GABRB2: variants seen among roughly 807,000 people sequenced by gnomAD.
GABRB2 encodes the protein gamma-aminobutyric acid type A receptor subunit beta2.
In GABRB2, 16 loss-of-function variants were observed where a neutral mutation model predicts 54.7. The observed-to-expected ratio is 0.29, with a 90% confidence interval of 0.20 to 0.44. The LOEUF is 0.44. GABRB2 is among the 20% of genes least tolerant of loss of function. The pLI, the probability that GABRB2 is intolerant of heterozygous loss-of-function variation, is 1.00. For missense variants in GABRB2, 355 were observed against 644.0 expected, an observed-to-expected ratio of 0.55 and a Z score of 4.86; for synonymous variants, 244 against 233.8, an observed-to-expected ratio of 1.04 and a Z score of -0.40.
intron 4 of GABRB2, among the ~76,000 whole-genome samples, chr5:161,448,680 A>C (rs1028568306): frequency 6.6e-6 from 1 of 152,148 alleles, no homozygotes; most frequent in Non-Finnish European, 1.5e-5. Flanking sequence ...AATAGAACAG[A>C]TTTTCAAAAT....
chr5:161,415,677 A>T (rs1484388296), intron 4 of GABRB2, among the ~76,000 whole-genome samples: 1 of 152,106 alleles, frequency 6.6e-6, no homozygotes, highest in African/African-American at 2.4e-5. Context: ...AAGTGATGCT[A>T]TCTCAGCTCA....
chr5:161,457,448 C>CT lies in GABRB2; in HGVS notation c.458+2175dup, dbSNP rs199690111. The stretch of plus-strand genomic sequence containing the variant: ...GATTTACCCCTTTTCCCTCTCAATT[C>CT]TTTTTTTTTTTTTTTGAGATGGAGT... On this transcript the variant is annotated intron_variant, in intron 4 of 9. Transcript: ENST00000393959. Among the ~76,000 whole-genome samples the CT allele has an allele frequency of 2.3e-3, 316 of 139,448 alleles. 2 individuals carry two copies. Among genetic ancestry groups the CT allele is most frequent in the East Asian group, 0.015 (72 of 4,832 alleles). 91.5% of individuals were successfully genotyped at this position (139,448 alleles called of 152,430 possible).
chr5:161,350,768 G>T (rs1754451200), intron 5 of GABRB2, among the ~76,000 whole-genome samples: 1 of 152,066 alleles, frequency 6.6e-6, no homozygotes, highest in Non-Finnish European at 1.5e-5. Flanking sequence ...GGACTAGAAT[G>T]ACTAAGTCTT....
intron 4 of GABRB2, among the ~76,000 whole-genome samples, chr5:161,448,238 C>T (rs919882251): frequency 6.6e-6 from 1 of 152,056 alleles, no homozygotes; most frequent in Non-Finnish European, 1.5e-5. Flanking sequence ...GCCTGGGGAA[C>T]ATAGTGAGAC....
chr5:161,457,436 T>C (rs1438954501), intron 4 of GABRB2, among the ~76,000 whole-genome samples: 1 of 151,644 alleles, frequency 6.6e-6, no homozygotes, highest in Non-Finnish European at 1.5e-5. Flanking sequence ...TTACCCCTTT[T>C]CCCTCTCAAT....
intron 2 of GABRB2, 32 bp downstream of exon 2, chr5:161,546,290 G>A: frequency 1.9e-6 from 3 of 1,568,526 alleles, no homozygotes; most frequent in Non-Finnish European, 2.6e-6. Flanking sequence ...CTTCGGCTGT[G>A]GCTGGACTTA....
intron 3 of GABRB2, among the ~76,000 whole-genome samples, chr5:161,486,564 C>G (rs1383201399): frequency 6.6e-6 from 1 of 151,926 alleles, no homozygotes; most frequent in Non-Finnish European, 1.5e-5. Context: ...AGCCTGGGCA[C>G]ACAACAGGTT....
intron 3 of GABRB2, among the ~76,000 whole-genome samples, chr5:161,514,518 T>C (rs1315357290): frequency 6.6e-6 from 1 of 152,192 alleles, no homozygotes; most frequent in East Asian, 1.9e-4. Flanking sequence ...TGAGTATTTG[T>C]TGAATAAATA....
intron 5 of GABRB2, among the ~76,000 whole-genome samples, chr5:161,385,699 A>G (rs934064616): frequency 7.2e-5 from 11 of 152,172 alleles, no homozygotes; most frequent in African/African-American, 2.7e-4. Context: ...GGGTGACACA[A>G]ACATGATCCC....
chr5:161,354,312 C>T (rs1754555453), intron 5 of GABRB2, among the ~76,000 whole-genome samples: 1 of 151,996 alleles, frequency 6.6e-6, no homozygotes, highest in Non-Finnish European at 1.5e-5. Context: ...TAAAATAAAT[C>T]AAGAATGTCC....
chr5:161,440,008 C>A (rs1361158733), intron 4 of GABRB2, among the ~76,000 whole-genome samples: 1 of 139,314 alleles, frequency 7.2e-6, no homozygotes, highest in Non-Finnish European at 1.5e-5. Context: ...TAAAGACAAT[C>A]ACATAAAAAT....
intron 3 of GABRB2, among the ~76,000 whole-genome samples, chr5:161,496,406 G>GA: frequency 6.6e-6 from 1 of 151,706 alleles, no homozygotes; most frequent in East Asian, 1.9e-4. Context: ...GATTTTCTTA[G>GA]AAAAATAATC....
At chr5:161,505,974 T>G (rs1430412236) in intron 3 of GABRB2, among the ~76,000 whole-genome samples, 1 of 152,004 alleles carries the variant, frequency 6.6e-6, no homozygotes, top group Non-Finnish European at 1.5e-5. Flanking sequence ...ATAAGTAAAA[T>G]CACAAAGATT....
chr5:161,435,187 A>T lies in GABRB2; in HGVS notation c.459-24130T>A, dbSNP rs1757274548. ...GTCAATACTAAAAATTATAATCAAA[A>T]AATGGAAAATCAACAAGAAGGTATC... On this transcript the variant is annotated intron_variant, in intron 4 of 9. Transcript: ENST00000393959. Among the ~76,000 whole-genome samples the T allele has an allele frequency of 2.0e-5, 3 of 151,762 alleles. No individual in the cohort carries two copies. In the South Asian group the frequency reaches 6.2e-4, roughly 31 times the overall value.
At chr5:161,428,789 A>G (rs899904864) in intron 4 of GABRB2, among the ~76,000 whole-genome samples, 4 of 152,112 alleles carry the variant, frequency 2.6e-5, no homozygotes, top group African/African-American at 4.8e-5. Flanking sequence ...TACAGGATAA[A>G]CTAATCTAGG....
At position 161,501,275 on chromosome 5, in the gene GABRB2, T is replaced by C. The variant is rs144628386; in HGVS notation, c.238-41431A>G. Among the ~76,000 whole-genome samples the C allele has an allele frequency of 5.8e-3, 871 of 150,518 alleles. 8 individuals carry two copies. Among genetic ancestry groups the C allele is most frequent in the African/African-American group, 0.02 (813 of 41,318 alleles). On this transcript the variant is annotated intron_variant, in intron 3 of 9. Coordinates refer to ENST00000393959, the MANE Select transcript of GABRB2 (RefSeq NM_001371727.1). ...AGTCTGAACTTCTTTTTAAAAAATA[T>C]GCTTTGTGACAAGTCTTTGTTAAAA... is the stretch of plus-strand genomic sequence containing the variant.
At chr5:161,401,919 A>G (rs1036517745) in intron 5 of GABRB2, among the ~76,000 whole-genome samples, 12 of 152,182 alleles carry the variant, frequency 7.9e-5, no homozygotes, top group Non-Finnish European at 1.3e-4. Flanking sequence ...TCTCCTGTCC[A>G]GTACGGCAGC....
chr5:161,333,392 AG>A (rs1365066154), intron 7 of GABRB2, among the ~76,000 whole-genome samples: 1 of 152,178 alleles, frequency 6.6e-6, no homozygotes, highest in Non-Finnish European at 1.5e-5. Context: ...GTCTACACAC[AG>A]GGGAGGTCTA....
rs868083358 is a variant in GABRB2, at chr5:161,293,359, C to A, written c.*722G>T. ...CTCTGCTCTGTGTTGTTAACTCTTACTTTAACCACCTAGGAAATAGCCGTT... is the reference window on the plus strand; with the variant it reads ...CTCTGCTCTGTGTTGTTAACTCTTAATTTAACCACCTAGGAAATAGCCGTT... On this transcript the variant is annotated 3_prime_UTR_variant, in exon 10 of 10. Transcript: ENST00000393959. The A allele has an allele frequency of 6.6e-6, 1 of 152,106 alleles. No individual in the cohort carries two copies. The highest frequency in any genetic ancestry group is 6.6e-5 in the Admixed American group (1 of 15,258). 9.4% of individuals were successfully genotyped at this position (152,106 alleles called of 1,614,324 possible).
Sources: gnomAD v4.1 joint callset for allele counts (sites outside exome capture counted in the v4.1 genomes callset) on GRCh38, gnomAD v4.1.1 for gene constraint, MANE v1.5 for transcripts, NCBI Gene and HGNC (gene_info 2026-07-23, HGNC 2026-07-21) for gene names.